Variants in CPNE3 observed in about 807,000 individuals in gnomAD.
CPNE3 encodes the protein copine 3.
Under a neutral mutation model 63.9 loss-of-function variants are expected in CPNE3, and 68 were observed. The observed-to-expected ratio is 1.06, with a 90% confidence interval of 0.87 to 1.30. The LOEUF (loss-of-function observed/expected upper bound fraction) is 1.30, where lower values mean the gene tolerates loss of function less well. Ranked by LOEUF, CPNE3 falls within the 50% of genes most tolerant of loss-of-function variation. The probability of loss-of-function intolerance (pLI) is 0.00; values close to 1 mark genes in which losing one functional copy is unlikely to be tolerated. For synonymous variants in CPNE3, 219 were observed against 197.5 expected, an observed-to-expected ratio of 1.11 and a Z score of -0.91; for missense variants, 665 against 578.1, an observed-to-expected ratio of 1.15 and a Z score of -1.54.
chr8:86,540,766 T>C (rs1051858278), intron 8 of CPNE3, among the ~76,000 whole-genome samples: 2 of 152,214 alleles, frequency 1.3e-5, no homozygotes, highest in South Asian at 2.1e-4. Context: ...GCAGTATTGA[T>C]GGCATTTTTC....
chr8:86,533,798 A>G (rs1381531892), intron 6 of CPNE3, among the ~76,000 whole-genome samples: 1 of 152,124 alleles, frequency 6.6e-6, no homozygotes, highest in Non-Finnish European at 1.5e-5. Context: ...ACACTTTAAA[A>G]AATATAATTG....
At chr8:86,549,361 CAT>C (rs1325773742) in intron 12 of CPNE3, among the ~76,000 whole-genome samples, 4 of 152,006 alleles carry the variant, frequency 2.6e-5, no homozygotes, top group Admixed American at 1.3e-4. Flanking sequence ...TCAAATATAA[CAT>C]AGGATTAAAA....
chr8:86,526,535 T>TG (rs1820545458), intron 2 of CPNE3, among the ~76,000 whole-genome samples: 1 of 151,656 alleles, frequency 6.6e-6, no homozygotes, highest in African/African-American at 2.4e-5. Context: ...TTTTTTGAGA[T>TG]GGGGTCTCAC....
At chr8:86,552,978 C>CCCCG (rs1821225466) in intron 14 of CPNE3, among the ~76,000 whole-genome samples, 1 of 58,314 alleles carries the variant, frequency 1.7e-5, no homozygotes. Flanking sequence ...CCCCCCCCCC[C>CCCCG]GCCCACAACC....
chr8:86,518,843 G>T (rs1024090324), intron 2 of CPNE3, among the ~76,000 whole-genome samples: 1 of 151,966 alleles, frequency 6.6e-6, no homozygotes, highest in African/African-American at 2.4e-5. Context: ...CATGATCTCG[G>T]CTCACTGCAA....
At chr8:86,519,472 A>G (rs1820384569) in intron 2 of CPNE3, among the ~76,000 whole-genome samples, 1 of 152,202 alleles carries the variant, frequency 6.6e-6, no homozygotes, top group African/African-American at 2.4e-5. Flanking sequence ...GAATCTGGAA[A>G]CTTTTTGAAG....
rs1821379496 is a variant in CPNE3, at chr8:86,558,916, AC to A, written c.*508del. ...AGTGCTTTTCTGCAAGGTAAAAATA[AC>A]CTGTCTATGCATCTGATTTTTGCTA... is the stretch of plus-strand genomic sequence containing the variant. On this transcript the variant is annotated 3_prime_UTR_variant, in exon 17 of 17. Coordinates refer to ENST00000517490, the MANE Select transcript of CPNE3 (RefSeq NM_003909.5). The A allele has an allele frequency of 6.5e-6, 1 of 154,958 alleles. No individual in the cohort carries two copies. The highest frequency in any genetic ancestry group is 6.3e-5 in the Admixed American group (1 of 15,926). 9.6% of individuals were successfully genotyped at this position (154,958 alleles called of 1,614,324 possible).
At position 86,558,369 on chromosome 8, in the gene CPNE3, C is replaced by T. The variant is rs1177361051; in HGVS notation, c.1573C>T (p.Leu525Phe). Residue 525 changes from leucine (L) to phenylalanine (F), a missense_variant, in exon 17 of 17, where the codon CTT (leucine) becomes TTT (phenylalanine). Transcript: ENST00000517490. Reference protein sequence around the residue: ...VVGYFNTYKLLPPKNPATKQQ... With the variant: ...VVGYFNTYKLFPPKNPATKQQ... ...GGGCTACTTCAATACATACAAACTC[C>T]TTCCTCCCAAGAACCCAGCCACGAA... 1 of 872,972 alleles carries T rather than the reference C, an allele frequency of 1.1e-6. No individual in the cohort carries two copies. The highest frequency in any genetic ancestry group is 2.0e-6 in the Non-Finnish European group (1 of 501,664). 54.1% of individuals were successfully genotyped at this position (872,972 alleles called of 1,614,324 possible).
rs76255701 is a variant in CPNE3, at chr8:86,551,239, G to T, written c.1120+5G>T. ...CATCCAATCCCTACTGCAATGGTAA[G>T]TTAAAAAATAAACATGAAGACTTCA... On this transcript the variant is annotated splice_donor_5th_base_variant and intron_variant, in intron 14 of 16. Transcript: ENST00000517490. 1.0e-5 allele frequency: 16 copies of T among 1,572,542 alleles called. No individual in the cohort carries two copies. In the Admixed American group the frequency reaches 2.3e-4, roughly 23 times the overall value.
chr8:86,539,772 C>A (rs1210705613), intron 7 of CPNE3, among the ~76,000 whole-genome samples: 2 of 150,200 alleles, frequency 1.3e-5, no homozygotes, highest in African/African-American at 4.9e-5. Flanking sequence ...CAGCAGTTCT[C>A]CTGCCTCAGC....
At chr8:86,516,012 C>G (rs751320258) in intron 2 of CPNE3, among the ~76,000 whole-genome samples, 1 of 152,160 alleles carries the variant, frequency 6.6e-6, no homozygotes, top group Non-Finnish European at 1.5e-5. Context: ...ATCTGTGGTA[C>G]CCAGGGCCAC....
At chr8:86,542,441 A>G (rs1820961583) in intron 8 of CPNE3, among the ~76,000 whole-genome samples, 1 of 152,136 alleles carries the variant, frequency 6.6e-6, no homozygotes, top group African/African-American at 2.4e-5. Context: ...TGAATGTAGT[A>G]TCTGTGTGGT....
chr8:86,537,616 T>G lies in CPNE3; in HGVS notation c.513T>G (p.Asp171Glu), dbSNP rs766556244. The change falls in exon 7 of 17, where the codon GAT becomes GAG. Residue 171 changes from aspartate (D) to glutamate (E), a missense_variant. Physicochemically the swap from Asp to Glu is conservative, Grantham distance 45. Coordinates refer to ENST00000517490, the MANE Select transcript of CPNE3 (RefSeq NM_003909.5). ...PYLEFHKQTS[D>E]GNWLMVHRTE... ...TGGAATTCCACAAGCAGACATCTGA[T>G]GGAAACTGGCTAATGGTTCATCGGA... 1 of 1,609,316 alleles carries G rather than the reference T, an allele frequency of 6.2e-7. No homozygotes were observed. The highest frequency in any genetic ancestry group is 8.5e-7 in the Non-Finnish European group (1 of 1,175,802).
rs926725303 is a variant in CPNE3, at chr8:86,559,850, T to G, written c.*1440T>G. On this transcript the variant is annotated 3_prime_UTR_variant, in exon 17 of 17. Coordinates refer to ENST00000517490, the MANE Select transcript of CPNE3 (RefSeq NM_003909.5). ...TATATCCTTAAGTGGACACATACAG[T>G]GCCATGTTGATGTGCCTCTCAGTTT... 2 of 152,210 alleles carry G rather than the reference T, an allele frequency of 1.3e-5. No homozygotes were observed. Among genetic ancestry groups the G allele is most frequent in the African/African-American group, 2.4e-5 (1 of 41,446 alleles). The allele number at this position is 152,210 out of a possible 1,614,324, so 9.4% of individuals were successfully genotyped here.
intron 2 of CPNE3, among the ~76,000 whole-genome samples, chr8:86,515,895 A>G (rs889628553): frequency 6.6e-6 from 1 of 152,222 alleles, no homozygotes; most frequent in Non-Finnish European, 1.5e-5. Flanking sequence ...CAAGCCTAGA[A>G]CATAGGTAGA....
chr8:86,529,392 T>C (rs1820619097), intron 4 of CPNE3, among the ~76,000 whole-genome samples: 1 of 152,226 alleles, frequency 6.6e-6, no homozygotes, highest in Non-Finnish European at 1.5e-5. Flanking sequence ...ATACCTCCGC[T>C]TTAGCTGCTG....
At chr8:86,555,442 A>G (rs1821300901) in intron 15 of CPNE3, among the ~76,000 whole-genome samples, 1 of 152,150 alleles carries the variant, frequency 6.6e-6, no homozygotes, top group Non-Finnish European at 1.5e-5. Context: ...ACTACCTCAT[A>G]CTGTTGTTGA....
intron 2 of CPNE3, among the ~76,000 whole-genome samples, chr8:86,516,239 C>T (rs1365806991): frequency 6.6e-6 from 1 of 152,158 alleles, no homozygotes; most frequent in Non-Finnish European, 1.5e-5. Flanking sequence ...AGGATTTCTT[C>T]TTTCAGGTCT....
chr8:86,540,301 A>T lies in CPNE3; in HGVS notation c.600A>T (p.Ser200=). ...VWRPFKISLN[S]LCYGDMDKTI... is the part of the protein sequence containing the mutation. Reference sequence around the variant, plus strand: ...GGCCTTTCAAGATCTCTCTTAACTCACTGTGTTACGGAGATATGGACAAAA... The same window carrying T: ...GGCCTTTCAAGATCTCTCTTAACTCTCTGTGTTACGGAGATATGGACAAAA... Residue 200 remains serine (S), a synonymous_variant, in exon 8 of 17, where the codon TCA becomes TCT. Transcript: ENST00000517490. The T allele has an allele frequency of 1.3e-6, 2 of 1,593,796 alleles. No individual in the cohort carries two copies. Among genetic ancestry groups the T allele is most frequent in the Non-Finnish European group, 1.7e-6 (2 of 1,170,958 alleles).
Sources: gnomAD v4.1 joint callset for allele counts (sites outside exome capture counted in the v4.1 genomes callset) on GRCh38, gnomAD v4.1.1 for gene constraint, MANE v1.5 for transcripts, NCBI Gene and HGNC (gene_info 2026-07-23, HGNC 2026-07-21) for gene names.